Variants in SPAG17 observed in about 807,000 individuals in gnomAD.
SPAG17 encodes sperm associated antigen 17, also known as sperm-associated antigen 17.
SPAG17 carries 169 observed loss-of-function variants against 273.6 expected under a neutral mutation model. The observed-to-expected ratio is 0.62, with a 90% CI of 0.55 to 0.70. SPAG17 has a LOEUF of 0.70. Among genes scored for constraint, SPAG17 ranks in the 30% least tolerant of loss-of-function variants. SPAG17 has a pLI of 0.00. For missense variants in SPAG17, 2,557 were observed against 2,627.8 expected, an observed-to-expected ratio of 0.97 and a Z score of 0.59; for synonymous variants, 825 against 873.2, an observed-to-expected ratio of 0.94 and a Z score of 0.97.
intron 48 of SPAG17, among the ~76,000 whole-genome samples, chr1:117,958,534 G>A (rs1652555620): frequency 6.6e-6 from 1 of 152,132 alleles, no homozygotes; most frequent in African/African-American, 2.4e-5. Context: ...CTTTTTTGCT[G>A]TGGCTTTATT....
intron 37 of SPAG17, 94 bp from the exon 38 acceptor site, chr1:117,991,000 C>T: frequency 1.5e-6 from 1 of 674,480 alleles, no homozygotes; most frequent in Non-Finnish European, 2.4e-6. Flanking sequence ...TTTGTAAAAA[C>T]TACTATAAAA....
intron 3 of SPAG17, among the ~76,000 whole-genome samples, chr1:118,121,143 G>A (rs1657398230): frequency 2.6e-5 from 4 of 152,064 alleles, no homozygotes; most frequent in Admixed American, 2.6e-4. Flanking sequence ...GCTTATTCAG[G>A]GGAAAGGCTC....
At chr1:118,153,673 C>G (rs566325811) in intron 1 of SPAG17, among the ~76,000 whole-genome samples, 1 of 151,956 alleles carries the variant, frequency 6.6e-6, no homozygotes, top group South Asian at 2.1e-4. Context: ...ATGATGAAAC[C>G]CCATCTCTAC....
chr1:117,988,799 GA>G (rs1255820990), intron 38 of SPAG17, among the ~76,000 whole-genome samples: 2 of 152,006 alleles, frequency 1.3e-5, no homozygotes, highest in Non-Finnish European at 2.9e-5. Context: ...GACTCACTAA[GA>G]AAATAAGACA....
intron 25 of SPAG17, among the ~76,000 whole-genome samples, chr1:118,030,903 C>G (rs1218957601): frequency 6.6e-6 from 1 of 152,062 alleles, no homozygotes; most frequent in Admixed American, 6.6e-5. Flanking sequence ...AATAAACATA[C>G]GTGTGCATGT....
At chr1:118,066,403 T>A (rs1235168500) in intron 18 of SPAG17, among the ~76,000 whole-genome samples, 1 of 152,190 alleles carries the variant, frequency 6.6e-6, no homozygotes, top group Non-Finnish European at 1.5e-5. Flanking sequence ...AAACCCAACA[T>A]GCAGAATGTC....
intron 7 of SPAG17, among the ~76,000 whole-genome samples, chr1:118,095,902 A>G (rs1434902238): frequency 6.6e-6 from 1 of 152,162 alleles, no homozygotes; most frequent in Admixed American, 6.5e-5. Context: ...AAGACAAAGC[A>G]GGAAAGCTGA....
chr1:117,959,511 CAGA>C, intron 48 of SPAG17: 1 of 1,454,606 alleles, frequency 6.9e-7, no homozygotes, highest in Non-Finnish European at 9.1e-7. Context: ...AAACTAAGCA[CAGA>C]AGAGTTGGCG....
At chr1:118,075,645 ACTT>A (rs889542256) in intron 15 of SPAG17, among the ~76,000 whole-genome samples, 1 of 152,184 alleles carries the variant, frequency 6.6e-6, no homozygotes, top group African/African-American at 2.4e-5. Flanking sequence ...AACAGCCCTG[ACTT>A]CTTATCACTC....
intron 43 of SPAG17, among the ~76,000 whole-genome samples, chr1:117,976,944 C>CT (rs1655207141): frequency 6.6e-6 from 1 of 152,166 alleles, no homozygotes; most frequent in South Asian, 2.1e-4. Context: ...AATAAAAACT[C>CT]TCTTATTTAC....
chr1:117,978,608 A>G (rs1004043816), intron 43 of SPAG17, among the ~76,000 whole-genome samples: 1 of 152,174 alleles, frequency 6.6e-6, no homozygotes, highest in African/African-American at 2.4e-5. Context: ...TCTTTTAAGC[A>G]AAACTCTAGG....
intron 3 of SPAG17, among the ~76,000 whole-genome samples, chr1:118,145,199 T>C (rs1349211090): frequency 6.6e-6 from 1 of 152,136 alleles, no homozygotes; most frequent in Admixed American, 6.5e-5. Context: ...GAAGCATGAG[T>C]TTTCCATTTT....
intron 20 of SPAG17, 55 bp downstream of exon 20, chr1:118,053,947 G>A: frequency 7.6e-7 from 1 of 1,308,636 alleles, no homozygotes; most frequent in Non-Finnish European, 1.1e-6. Flanking sequence ...CCACTATCCT[G>A]TTGTGTAATA....
intron 24 of SPAG17, among the ~76,000 whole-genome samples, chr1:118,034,781 G>C (rs1648884922): frequency 6.6e-6 from 1 of 152,028 alleles, no homozygotes; most frequent in African/African-American, 2.4e-5. Context: ...CCAGGGTTTG[G>C]GTAAAGAATG....
chr1:117,970,670 G>A (rs1334527154), intron 45 of SPAG17, among the ~76,000 whole-genome samples: 2 of 152,232 alleles, frequency 1.3e-5, no homozygotes, highest in East Asian at 1.9e-4. Flanking sequence ...TCTGCTTGAA[G>A]GTTAAAGACC....
chr1:118,181,072 A>G (rs10923503), intron 1 of SPAG17, among the ~76,000 whole-genome samples: 8,959 of 152,092 alleles, frequency 0.059, 432 homozygotes, highest in East Asian at 0.27. Context: ...TTTAAGACAG[A>G]TTATTATAAT....
At chr1:117,968,534 A>C (rs1187586597) in intron 46 of SPAG17, among the ~76,000 whole-genome samples, 1 of 152,208 alleles carries the variant, frequency 6.6e-6, no homozygotes, top group Non-Finnish European at 1.5e-5. Flanking sequence ...TTCTGTTTGG[A>C]GTTTCAGCCT....
chr1:118,105,243 T>C lies in SPAG17; in HGVS notation c.448-3317A>G, dbSNP rs148346065. On this transcript the variant is annotated intron_variant, in intron 4 of 48. Coordinates refer to ENST00000336338, the MANE Select transcript of SPAG17 (RefSeq NM_206996.4). ...GCAGGAAAGAGGCAGGAGGTTTGAA[T>C]AGGGAAGATGACGTAAGAGTTATCT... 2.5e-3 allele frequency among the ~76,000 whole-genome samples: 377 copies of C among 152,160 alleles called. 5 individuals carry two copies. Among genetic ancestry groups the C allele is most frequent in the African/African-American group, 8.7e-3 (363 of 41,524 alleles).
intron 20 of SPAG17, among the ~76,000 whole-genome samples, chr1:118,046,981 T>A (rs1316150968): frequency 4.6e-5 from 7 of 152,232 alleles, no homozygotes; most frequent in Non-Finnish European, 7.3e-5. Flanking sequence ...ATAAATGGAA[T>A]CTACTCTCCT....
Sources: gnomAD v4.1 joint callset for allele counts (sites outside exome capture counted in the v4.1 genomes callset) on GRCh38, gnomAD v4.1.1 for gene constraint, MANE v1.5 for transcripts, NCBI Gene and HGNC (gene_info 2026-07-23, HGNC 2026-07-21) for gene names.